OR1J2: variants seen among roughly 807,000 people sequenced by gnomAD.
OR1J2 encodes olfactory receptor 1J2.
For missense variants in OR1J2, 304 were observed against 246.1 expected (o/e 1.24, Z -1.57); for synonymous variants, 142 against 99.7 (o/e 1.42, Z -2.52).
the OR1J2 span, among the ~76,000 whole-genome samples, chr9:122,532,040 A>C: frequency 9.7e-6 from 1 of 102,622 alleles, no homozygotes; most frequent in African/African-American, 3.1e-5. Flanking sequence ...ATCCCTGGGA[A>C]GTAGTAGAAT....
chr9:122,578,592 T>C, the OR1J2 span: 6 of 152,004 alleles, frequency 3.9e-5, no homozygotes, highest in African/African-American at 1.5e-4. Context: ...AATCGTGATA[T>C]ATACATATAC....
chr9:122,468,335 A>G, the OR1J2 span, among the ~76,000 whole-genome samples: 1 of 152,218 alleles, frequency 6.6e-6, no homozygotes, highest in South Asian at 2.1e-4. Flanking sequence ...CAACTTTGTG[A>G]GTGGGTTTCT....
Position 122,511,642 on chromosome 9 carries a change from G to A in OR1J2, c.841G>A (p.Val281Ile), listed in dbSNP as rs201289116. The A allele has an allele frequency of 1.4e-4, 109 of 780,908 alleles. No homozygotes were observed. Among genetic ancestry groups the A allele is most frequent in the Non-Finnish European group, 2.3e-4 (98 of 418,128 alleles). The allele number at this position is 780,908 out of a possible 1,614,324, so 48.4% of individuals were successfully genotyped here. ...DVIVALMYTV[V>I]TPMLNPFIYS... is the part of the protein sequence containing the mutation. ...CATTGTGGCTCTCATGTACACGGTG[G>A]TCACACCCATGTTGAACCCCTTTAT... Residue 281 changes from valine to isoleucine, a missense_variant, in exon 1 of 1, where the codon GTC becomes ATC. By Grantham distance (29) the Val-to-Ile change is conservative (BLOSUM62 3). Transcript: ENST00000335302.
chr9:122,527,322 G>A, the OR1J2 span: 4 of 1,446,272 alleles, frequency 2.8e-6, no homozygotes, highest in Non-Finnish European at 3.8e-6. Context: ...GCTGAGGGAA[G>A]ACAGTTAGAA....
chr9:122,480,824 C>G, the OR1J2 span, among the ~76,000 whole-genome samples: 2 of 151,804 alleles, frequency 1.3e-5, no homozygotes, highest in Non-Finnish European at 2.9e-5. Context: ...GAGATGGAGT[C>G]TTGCTCTGTC....
At chr9:122,540,192 T>C in the OR1J2 span, among the ~76,000 whole-genome samples, 4 of 151,362 alleles carry the variant, frequency 2.6e-5, no homozygotes, top group South Asian at 2.1e-4. Flanking sequence ...TCCTTGCCCA[T>C]GCCTGTGTCC....
At chr9:122,452,795 G>A in the OR1J2 span, among the ~76,000 whole-genome samples, 3 of 151,844 alleles carry the variant, frequency 2.0e-5, no homozygotes, top group Non-Finnish European at 4.4e-5. Flanking sequence ...TTGGGAGGCC[G>A]AAGCTGGCGG....
At chr9:122,539,768 C>T in the OR1J2 span, among the ~76,000 whole-genome samples, 1 of 152,192 alleles carries the variant, frequency 6.6e-6, no homozygotes, top group Non-Finnish European at 1.5e-5. Flanking sequence ...ACATCCTCTC[C>T]AGCACCTGTT....
upstream of OR1J2, among the ~76,000 whole-genome samples, chr9:122,510,314 C>T (rs1382666200): frequency 6.6e-6 from 1 of 152,140 alleles, no homozygotes; most frequent in African/African-American, 2.4e-5. Context: ...GCTGAAACAC[C>T]TTTCTCCACA....
At chr9:122,542,297 A>G in the OR1J2 span, among the ~76,000 whole-genome samples, 1 of 152,244 alleles carries the variant, frequency 6.6e-6, no homozygotes, top group South Asian at 2.1e-4. Context: ...TGACAGAAAT[A>G]TGCTCAAACA....
chr9:122,532,311 A>G, the OR1J2 span, among the ~76,000 whole-genome samples: 2 of 152,188 alleles, frequency 1.3e-5, no homozygotes, highest in African/African-American at 4.8e-5. Flanking sequence ...AGGTTCTAAC[A>G]GGCGGGCTAG....
At chr9:122,568,114 C>T in the OR1J2 span, 2 of 1,613,964 alleles carry the variant, frequency 1.2e-6, no homozygotes, top group Non-Finnish European at 1.7e-6. Flanking sequence ...ACATAGCGGT[C>T]AAAGGCCATG....
the OR1J2 span, among the ~76,000 whole-genome samples, chr9:122,498,685 G>T: frequency 4.6e-5 from 7 of 152,140 alleles, no homozygotes; most frequent in African/African-American, 1.4e-4. Context: ...TCCTTTGGTG[G>T]TGTCACTACA....
the OR1J2 span, among the ~76,000 whole-genome samples, chr9:122,575,620 A>C: frequency 6.6e-6 from 1 of 152,158 alleles, no homozygotes; most frequent in Non-Finnish European, 1.5e-5. Flanking sequence ...GAAGCTTATC[A>C]ATTTTTAAAA....
chr9:122,560,502 G>A, the OR1J2 span, among the ~76,000 whole-genome samples: 1 of 152,124 alleles, frequency 6.6e-6, no homozygotes, highest in East Asian at 1.9e-4. Flanking sequence ...TCCTTCAGGA[G>A]CTCTTGCAAG....
the OR1J2 span, among the ~76,000 whole-genome samples, chr9:122,504,208 C>T: frequency 6.6e-6 from 1 of 152,198 alleles, no homozygotes; most frequent in Non-Finnish European, 1.5e-5. Context: ...CATGGTTAGG[C>T]ACTCTGCTCT....
the OR1J2 span, chr9:122,475,138 C>G: frequency 6.6e-6 from 1 of 152,278 alleles, no homozygotes; most frequent in African/African-American, 2.4e-5. Flanking sequence ...CCTCCTCCAT[C>G]CAGCTTGGCA....
the OR1J2 span, chr9:122,553,268 A>T: frequency 1.1e-4 from 172 of 1,613,458 alleles, no homozygotes; most frequent in Admixed American, 3.5e-4. Context: ...TCCTTCTAGG[A>T]CTCTCTGAGT....
chr9:122,487,458 A>AACACACACACAC, the OR1J2 span, among the ~76,000 whole-genome samples: 1,266 of 149,076 alleles, frequency 8.5e-3, 4 homozygotes, highest in Middle Eastern at 0.017. Flanking sequence ...GGAGATGATT[A>AACACACACACAC]ACACACACAC....
Sources: allele counts gnomAD v4.1 joint callset (sites outside exome capture counted in the v4.1 genomes callset), GRCh38; gene constraint gnomAD v4.1.1; transcripts MANE v1.5; gene names NCBI Gene and HGNC (gene_info 2026-07-23, HGNC 2026-07-21).